Variants in APP observed in about 807,000 individuals in gnomAD.
APP encodes amyloid-beta precursor protein.
Under a neutral mutation model 101.4 loss-of-function variants are expected in APP, and 31 were observed. That is an observed-to-expected ratio of 0.31 (90% CI 0.23 to 0.41). The LOEUF (loss-of-function observed/expected upper bound fraction) is 0.41. Among genes scored for constraint, APP ranks in the 10% least tolerant of loss-of-function variants. The pLI, the probability that APP is intolerant of heterozygous loss-of-function variation, is 1.00. For missense variants in APP, 839 were observed against 1,003.7 expected (o/e 0.84, Z 2.22); for synonymous variants, 366 against 364.4 (o/e 1.00, Z -0.05).
chr21:26,049,424 TGA>T (rs2045744219), intron 5 of APP, among the ~76,000 whole-genome samples: 1 of 152,002 alleles, frequency 6.6e-6, no homozygotes, highest in African/African-American at 2.4e-5. Flanking sequence ...CTGTAGAGCA[TGA>T]GAGAGAGTTA....
At chr21:25,993,145 C>T (rs1438106794) in intron 8 of APP, among the ~76,000 whole-genome samples, 45 of 152,142 alleles carry the variant, frequency 3.0e-4, no homozygotes, top group Admixed American at 2.9e-3. Context: ...TGGGGCCTGA[C>T]TTGTTAAGTT....
intron 5 of APP, among the ~76,000 whole-genome samples, chr21:26,033,265 G>C (rs562733676): frequency 1.5e-4 from 23 of 152,200 alleles, no homozygotes; most frequent in African/African-American, 5.5e-4. Context: ...TGACAGTGAG[G>C]GAGTTCTCAG....
intron 14 of APP, among the ~76,000 whole-genome samples, chr21:25,908,524 G>A (rs975247618): frequency 6.6e-6 from 1 of 152,100 alleles, no homozygotes; most frequent in African/African-American, 2.4e-5. Context: ...AGACTAACAA[G>A]TTTCTGGGGA....
chr21:26,063,175 G>A (rs1364184284), intron 3 of APP, among the ~76,000 whole-genome samples: 1 of 152,162 alleles, frequency 6.6e-6, no homozygotes, highest in Non-Finnish European at 1.5e-5. Flanking sequence ...GAGATATAGT[G>A]TCCATGTGGT....
intron 1 of APP, among the ~76,000 whole-genome samples, chr21:26,114,428 G>A (rs556019012): frequency 5.3e-5 from 8 of 152,106 alleles, no homozygotes; most frequent in East Asian, 1.9e-4. Flanking sequence ...TGTAACTTCC[G>A]AGCATGTATA....
chr21:25,886,248 C>T (rs2037318257), intron 17 of APP, among the ~76,000 whole-genome samples: 1 of 152,104 alleles, frequency 6.6e-6, no homozygotes, highest in African/African-American at 2.4e-5. Flanking sequence ...CCAGTAACTG[C>T]CTGCTACCTA....
chr21:25,944,794 T>C (rs550678167), intron 13 of APP, among the ~76,000 whole-genome samples: 9 of 152,286 alleles, frequency 5.9e-5, no homozygotes, highest in East Asian at 5.8e-4. Context: ...TCTAAAATCA[T>C]TGGTTGTTCC....
At position 26,069,136 on chromosome 21, in the gene APP, T is replaced by C. The variant is rs2046575473; in HGVS notation, c.356-15788A>G. On this transcript the variant is annotated intron_variant, in intron 3 of 17. Coordinates refer to ENST00000346798, the MANE Select transcript of APP (RefSeq NM_000484.4). ...ATTTGGTTGTAGAACCCAACCAATATAGGCCCCGTTGATCGATTTCCCCAC... is the reference window on the plus strand; with the variant it reads ...ATTTGGTTGTAGAACCCAACCAATACAGGCCCCGTTGATCGATTTCCCCAC... Among the ~76,000 whole-genome samples, 2 of 152,184 alleles carry C rather than the reference T, an allele frequency of 1.3e-5. 1 individual carries two copies. Among genetic ancestry groups the C allele is most frequent in the South Asian group, 4.1e-4 (2 of 4,824 alleles).
At chr21:25,918,385 G>A (rs1477789693) in intron 13 of APP, among the ~76,000 whole-genome samples, 3 of 152,226 alleles carry the variant, frequency 2.0e-5, no homozygotes, top group Non-Finnish European at 2.9e-5. Context: ...GAGCCAAGAT[G>A]GCCGAATAGG....
chr21:26,109,963 A>T (rs1433467366), intron 2 of APP, among the ~76,000 whole-genome samples: 1 of 152,260 alleles, frequency 6.6e-6, no homozygotes, highest in East Asian at 1.9e-4. Context: ...TCAAAAACAT[A>T]TAAGTATGCA....
At chr21:26,168,905 A>T (rs1184022911) in intron 1 of APP, among the ~76,000 whole-genome samples, 3 of 152,224 alleles carry the variant, frequency 2.0e-5, no homozygotes, top group Non-Finnish European at 4.4e-5. Context: ...AAACTAAAAA[A>T]CTAATGGTGT....
At chr21:26,057,867 C>T (rs2046104972) in intron 3 of APP, among the ~76,000 whole-genome samples, 1 of 152,192 alleles carries the variant, frequency 6.6e-6, no homozygotes, top group South Asian at 2.1e-4. Flanking sequence ...CACTTTTAGA[C>T]TGTGAAGTAC....
intron 14 of APP, among the ~76,000 whole-genome samples, chr21:25,906,351 A>G (rs183088223): frequency 5.6e-4 from 80 of 142,156 alleles, no homozygotes; most frequent in African/African-American, 2.0e-3. Context: ...TGGGCCCAAC[A>G]TTTACAATGT....
chr21:26,012,789 C>T (rs565682501), intron 6 of APP, among the ~76,000 whole-genome samples: 14 of 152,096 alleles, frequency 9.2e-5, no homozygotes, highest in African/African-American at 2.9e-4. Context: ...GTCTGGCCAA[C>T]GTGGTGAAAC....
chr21:26,038,103 A>AT (rs916957600), intron 5 of APP, among the ~76,000 whole-genome samples: 8 of 152,162 alleles, frequency 5.3e-5, no homozygotes, highest in African/African-American at 1.9e-4. Flanking sequence ...TTCTACCTTC[A>AT]TTTTTATAGC....
chr21:25,924,439 A>AAAAAG, intron 13 of APP, among the ~76,000 whole-genome samples: 1 of 135,866 alleles, frequency 7.4e-6, no homozygotes, highest in Non-Finnish European at 1.6e-5. Context: ...GAAAAAAAAA[A>AAAAAG]AGGTTGAGTT....
chr21:25,913,075 A>G (rs2039164375), intron 13 of APP, among the ~76,000 whole-genome samples: 1 of 152,260 alleles, frequency 6.6e-6, no homozygotes, highest in Non-Finnish European at 1.5e-5. Flanking sequence ...TTTTATTGCT[A>G]GAGAAAATGA....
At chr21:25,999,797 CACATCCA>C (rs2043208708) in intron 7 of APP, among the ~76,000 whole-genome samples, 1 of 152,184 alleles carries the variant, frequency 6.6e-6, no homozygotes, top group Non-Finnish European at 1.5e-5. Flanking sequence ...AGGAAGAGAA[CACATCCA>C]TGGCCATGCT....
chr21:25,910,925 C>T (rs1023551073), intron 14 of APP, among the ~76,000 whole-genome samples: 6 of 152,228 alleles, frequency 3.9e-5, no homozygotes, highest in Non-Finnish European at 5.9e-5. Context: ...TGCATCTCTG[C>T]AGGCCCTCAA....
Sources: allele counts gnomAD v4.1 joint callset (sites outside exome capture counted in the v4.1 genomes callset), GRCh38; gene constraint gnomAD v4.1.1; transcripts MANE v1.5; gene names NCBI Gene and HGNC (gene_info 2026-07-23, HGNC 2026-07-21).